HINT3: variants seen among roughly 807,000 people sequenced by gnomAD.
The protein encoded by HINT3 is histidine triad nucleotide binding protein 3.
HINT3 carries 16 observed loss-of-function variants against 19.1 expected under a neutral mutation model. The observed-to-expected ratio is 0.84, with a 90% CI of 0.57 to 1.27. HINT3 has a LOEUF of 1.27. HINT3 is among the 50% of genes most tolerant of loss of function. The pLI is 0.00. For synonymous variants in HINT3, 75 were observed against 84.8 expected, an observed-to-expected ratio of 0.88 and a Z score of 0.63; for missense variants, 197 against 225.8, an observed-to-expected ratio of 0.87 and a Z score of 0.82.
Position 125,978,336 on chromosome 6 carries a change from G to C in HINT3, c.*660G>C, listed in dbSNP as rs1416021184. On this transcript the variant is annotated 3_prime_UTR_variant, in exon 5 of 5. Coordinates refer to ENST00000229633, the MANE Select transcript of HINT3 (RefSeq NM_138571.5). ...ACAATAACTATCAAATTGGCTATCA[G>C]AATTCACTGTAATGGAATTTTGCCT... 4 of 152,118 alleles carry C rather than the reference G, an allele frequency of 2.6e-5. No individual in the cohort carries two copies. Among genetic ancestry groups the C allele is most frequent in the African/African-American group, 9.6e-5 (4 of 41,520 alleles). 9.4% of individuals were successfully genotyped at this position (152,118 alleles called of 1,614,324 possible).
In HINT3 at chr6:125,977,693, A is replaced by G; in HGVS notation, c.*17A>G. The G allele has an allele frequency of 6.8e-7, 1 of 1,472,388 alleles. No individual in the cohort carries two copies. Among genetic ancestry groups the G allele is most frequent in the Non-Finnish European group, 9.2e-7 (1 of 1,085,818 alleles). 91.2% of individuals were successfully genotyped at this position (1,472,388 alleles called of 1,614,324 possible). On this transcript the variant is annotated 3_prime_UTR_variant, in exon 5 of 5. Coordinates refer to ENST00000229633, the MANE Select transcript of HINT3 (RefSeq NM_138571.5). ...AGAACATGAAAATGTCAAGAGTGGA[A>G]GATTTTTCTAATCTTGGTTCAGCAT...
chr6:125,965,458 C>T (rs1391454772), intron 1 of HINT3, among the ~76,000 whole-genome samples: 1 of 152,078 alleles, frequency 6.6e-6, no homozygotes, highest in Non-Finnish European at 1.5e-5. Context: ...AGATTTAACC[C>T]CCAATTTTAA....
chr6:125,968,242 C>T (rs1789045670), intron 2 of HINT3, among the ~76,000 whole-genome samples: 1 of 152,156 alleles, frequency 6.6e-6, no homozygotes, highest in South Asian at 2.1e-4. Context: ...TTACCCTCTC[C>T]TTATAAGTGG....
At chr6:125,966,219 C>T (rs1789015730) in intron 1 of HINT3, among the ~76,000 whole-genome samples, 1 of 152,158 alleles carries the variant, frequency 6.6e-6, no homozygotes, top group Non-Finnish European at 1.5e-5. Flanking sequence ...ACACGCTCTT[C>T]CTTTCCTTTT....
At chr6:125,970,237 A>G (rs1477462248) in intron 2 of HINT3, among the ~76,000 whole-genome samples, 2 of 152,234 alleles carry the variant, frequency 1.3e-5, no homozygotes, top group Non-Finnish European at 2.9e-5. Context: ...AAGTTCTATC[A>G]GTACATTTGA....
intron 1 of HINT3, among the ~76,000 whole-genome samples, chr6:125,963,607 AG>A (rs1788975755): frequency 6.6e-6 from 1 of 152,206 alleles, no homozygotes; most frequent in African/African-American, 2.4e-5. Context: ...CATTTCCAAA[AG>A]GATAAAAGTT....
intron 2 of HINT3, among the ~76,000 whole-genome samples, chr6:125,967,695 T>C (rs987134300): frequency 7.9e-5 from 12 of 152,268 alleles, no homozygotes; most frequent in African/African-American, 2.9e-4. Context: ...CTATGAAAAA[T>C]TATAAACAAA....
intron 2 of HINT3, 40 bp from the exon 3 acceptor site, chr6:125,972,219 G>A (rs1420958167): frequency 1.5e-6 from 2 of 1,314,998 alleles, no homozygotes; most frequent in African/African-American, 3.0e-5. Context: ...TGACCTTAAT[G>A]TCTCCTCTAG....
At chr6:125,975,431 C>A (rs1034919454) in intron 4 of HINT3, among the ~76,000 whole-genome samples, 1 of 152,122 alleles carries the variant, frequency 6.6e-6, no homozygotes, top group African/African-American at 2.4e-5. Flanking sequence ...CAGTACCTTG[C>A]AAATAGTAAG....
intron 1 of HINT3, among the ~76,000 whole-genome samples, chr6:125,957,800 C>T (rs1388496170): frequency 6.6e-6 from 1 of 152,238 alleles, no homozygotes; most frequent in Non-Finnish European, 1.5e-5. Flanking sequence ...AACGGATAAT[C>T]TGGCACACAC....
rs747798435 is a variant in HINT3, at chr6:125,957,079, C to A, written c.102C>A (p.Ala34=). Residue 34 remains alanine (A), a synonymous_variant, in exon 1 of 5, where the codon GCC becomes GCA. Coordinates refer to ENST00000229633, the MANE Select transcript of HINT3 (RefSeq NM_138571.5). ...TTVSSVGTCE[A]AGKSPEPKDY... is the part of the protein sequence containing the mutation. The stretch of plus-strand genomic sequence containing the variant: ...TTTCCTCAGTGGGGACCTGTGAAGC[C>A]GCTGGCAAGTCACCAGAGCCCAAGG... 3 of 1,550,968 alleles carry A rather than the reference C, an allele frequency of 1.9e-6. No homozygotes were observed. Among genetic ancestry groups the A allele is most frequent in the Non-Finnish European group, 2.6e-6 (3 of 1,146,866 alleles).
chr6:125,959,960 A>G (rs1356362045), intron 1 of HINT3, among the ~76,000 whole-genome samples: 1 of 152,246 alleles, frequency 6.6e-6, no homozygotes, highest in Non-Finnish European at 1.5e-5. Context: ...CAAAACAATA[A>G]GTAAAATTTA....
At chr6:125,972,549 C>T (rs796910042) in intron 3 of HINT3, among the ~76,000 whole-genome samples, 2 of 152,098 alleles carry the variant, frequency 1.3e-5, no homozygotes, top group Non-Finnish European at 2.9e-5. Context: ...ACAGACAAGT[C>T]TATATGGGCA....
chr6:125,969,651 C>G (rs1180340750), intron 2 of HINT3, among the ~76,000 whole-genome samples: 1 of 152,086 alleles, frequency 6.6e-6, no homozygotes, highest in Non-Finnish European at 1.5e-5. Context: ...TTTGTATCAT[C>G]TATGATTTCT....
At chr6:125,973,157 C>G (rs1789133215) in intron 3 of HINT3, among the ~76,000 whole-genome samples, 1 of 132,004 alleles carries the variant, frequency 7.6e-6, no homozygotes, top group Non-Finnish European at 1.6e-5. Context: ...CTCACTGCAA[C>G]CTCTGCCTCC....
intron 2 of HINT3, among the ~76,000 whole-genome samples, chr6:125,969,688 G>A (rs1381657602): frequency 6.6e-6 from 1 of 151,968 alleles, no homozygotes; most frequent in Non-Finnish European, 1.5e-5. Context: ...AGTTCTCCTC[G>A]TAGAGATCTT....
chr6:125,961,814 A>G (rs1434748653), intron 1 of HINT3, among the ~76,000 whole-genome samples: 1 of 152,014 alleles, frequency 6.6e-6, no homozygotes, highest in African/African-American at 2.4e-5. Context: ...TGACTGGACA[A>G]AAAGGGTATG....
intron 1 of HINT3, among the ~76,000 whole-genome samples, chr6:125,960,912 C>T (rs914903414): frequency 2.6e-5 from 4 of 152,136 alleles, no homozygotes. Flanking sequence ...TTTTTAAACT[C>T]AGAGTTCAAT....
intron 1 of HINT3, 54 bp downstream of exon 1, chr6:125,957,232 C>G (rs1788852932): frequency 6.7e-7 from 1 of 1,492,444 alleles, no homozygotes; most frequent in African/African-American, 1.4e-5. Context: ...CCCCTCGGAG[C>G]TCCGGCAGGG....
Sources: allele counts gnomAD v4.1 joint callset (sites outside exome capture counted in the v4.1 genomes callset), GRCh38; gene constraint gnomAD v4.1.1; transcripts MANE v1.5; gene names NCBI Gene and HGNC (gene_info 2026-07-23, HGNC 2026-07-21).